Variants in PTPRU observed in about 807,000 individuals in gnomAD.
The protein encoded by PTPRU is receptor-type tyrosine-protein phosphatase U.
A neutral mutation model predicts 166.3 loss-of-function variants in PTPRU; 69 were observed. The ratio of observed to expected loss-of-function variants is 0.41; its 90% CI spans 0.34 to 0.51. The LOEUF is 0.51. Ranked by LOEUF, PTPRU falls within the 20% of genes least tolerant of loss-of-function variation. The pLI, the probability that PTPRU is intolerant of heterozygous loss-of-function variation, is 0.09. For synonymous variants in PTPRU, 793 were observed against 814.0 expected (o/e 0.97, Z 0.44); for missense variants, 1,657 against 2,013.7 (o/e 0.82, Z 3.39).
intron 14 of PTPRU, among the ~76,000 whole-genome samples, chr1:29,289,033 C>T (rs959190851): frequency 3.3e-5 from 5 of 149,948 alleles, no homozygotes; most frequent in African/African-American, 1.2e-4. Flanking sequence ...GTGTCCTGGG[C>T]ATACATCTGG....
At chr1:29,246,964 G>A (rs1166948282) in intron 1 of PTPRU, among the ~76,000 whole-genome samples, 2 of 152,154 alleles carry the variant, frequency 1.3e-5, no homozygotes, top group Non-Finnish European at 2.9e-5. Flanking sequence ...TCCTACCCAT[G>A]CCTCGAGTCT....
intron 18 of PTPRU, among the ~76,000 whole-genome samples, chr1:29,307,337 G>C (rs1160746787): frequency 6.6e-6 from 1 of 152,214 alleles, no homozygotes; most frequent in Non-Finnish European, 1.5e-5. Context: ...GAAGATTCGA[G>C]AGTGTTCCTA....
intron 18 of PTPRU, among the ~76,000 whole-genome samples, chr1:29,306,624 G>A (rs1362877998): frequency 1.3e-5 from 2 of 152,198 alleles, no homozygotes; most frequent in East Asian, 1.9e-4. Flanking sequence ...CTGCCTCTGG[G>A]TGGCTGGAGA....
intron 17 of PTPRU, 64 bp from the exon 18 acceptor site, chr1:29,305,288 C>T: frequency 1.3e-6 from 2 of 1,516,182 alleles, no homozygotes; most frequent in East Asian, 2.3e-5. Context: ...CCAGGAATCC[C>T]TCCCTGACTG....
At chr1:29,275,180 CA>C in intron 7 of PTPRU, among the ~76,000 whole-genome samples, 1 of 152,018 alleles carries the variant, frequency 6.6e-6, no homozygotes, top group Admixed American at 6.6e-5. Flanking sequence ...TTTCATTTTG[CA>C]GTTGAGGAAT....
At chr1:29,259,153 C>A in intron 3 of PTPRU, 108 bp from the exon 4 acceptor site, 1 of 1,227,284 alleles carries the variant, frequency 8.1e-7, no homozygotes, top group Non-Finnish European at 1.2e-6. Flanking sequence ...GCTGGGCTGA[C>A]CTCTGCTAGT....
intron 17 of PTPRU, 39 bp from the exon 18 acceptor site, chr1:29,305,313 C>A: frequency 6.3e-7 from 1 of 1,598,254 alleles, no homozygotes; most frequent in Non-Finnish European, 8.6e-7. Flanking sequence ...GCTCTGGGCT[C>A]CCCAGTTCAG....
At chr1:29,312,272 G>T (rs116857553) in intron 21 of PTPRU, among the ~76,000 whole-genome samples, 1 of 152,300 alleles carries the variant, frequency 6.6e-6, no homozygotes, top group East Asian at 1.9e-4. Flanking sequence ...TGGCAGAGGT[G>T]AGTATTTCAC....
Position 29,275,713 on chromosome 1 carries a change from G to A in PTPRU, c.1410G>A (p.Gly470=), listed in dbSNP as rs756193219. 1 of 1,614,214 alleles carries A rather than the reference G, an allele frequency of 6.2e-7. No homozygotes were observed. The highest frequency in any genetic ancestry group is 1.1e-5 in the South Asian group (1 of 91,078). The change falls in exon 8 of 30, where the codon GGG becomes GGA. Residue 470 remains glycine (G), a synonymous_variant. Transcript: ENST00000373779. Reference sequence around the variant, plus strand: ...GGCTTGTCCTCACTAACCCTGAGGGGCGCAAAGAGGGCAAGGAGGTCACTT... The same window carrying A: ...GGCTTGTCCTCACTAACCCTGAGGGACGCAAAGAGGGCAAGGAGGTCACTT... The part of the protein sequence containing the change: ...HVRLVLTNPE[G]RKEGKEVTFQ...
intron 1 of PTPRU, among the ~76,000 whole-genome samples, chr1:29,248,445 C>T (rs1052211308): frequency 5.9e-5 from 9 of 152,072 alleles, no homozygotes; most frequent in African/African-American, 1.7e-4. Flanking sequence ...TATTTGAATT[C>T]CCCCACCCAC....
chr1:29,309,749 A>G (rs1687562626), intron 18 of PTPRU, among the ~76,000 whole-genome samples: 1 of 152,246 alleles, frequency 6.6e-6, no homozygotes, highest in Admixed American at 6.5e-5. Context: ...AGTGAGAGGT[A>G]GAGCTGGGAT....
In PTPRU at chr1:29,279,541, C is replaced by A. The variant is rs1685964385; in HGVS notation, c.1649C>A (p.Thr550Asn). 1.2e-6 allele frequency: 2 copies of A among 1,614,196 alleles called. No homozygotes were observed. Among genetic ancestry groups the A allele is most frequent in the Middle Eastern group, 3.3e-4 (2 of 6,062 alleles). Residue 550 changes from threonine to asparagine, a missense_variant, in exon 10 of 30, where the codon ACC becomes AAC. Coordinates refer to ENST00000373779, the MANE Select transcript of PTPRU (RefSeq NM_133178.4). This position sits in a 1 kb window ranked among gnomAD's most constrained non-coding sequence, Gnocchi z 5.2. ...RRTISKLRNETYHVFSNLHPG... is the reference protein window; with the variant it reads ...RRTISKLRNENYHVFSNLHPG... The stretch of plus-strand genomic sequence containing the variant: ...ACCATCTCCAAGCTCCGCAATGAGA[C>A]CTACCATGTCTTCTCCAACCTGCAC...
intron 3 of PTPRU, among the ~76,000 whole-genome samples, chr1:29,259,006 T>C (rs1026662684): frequency 2.6e-5 from 4 of 152,132 alleles, no homozygotes; most frequent in African/African-American, 9.7e-5. Flanking sequence ...GTTGGAACAG[T>C]GCTGACCTGG....
At chr1:29,269,212 TTATATACATA>T (rs1230971574) in intron 7 of PTPRU, among the ~76,000 whole-genome samples, 4 of 112,452 alleles carry the variant, frequency 3.6e-5, no homozygotes, top group African/African-American at 1.4e-4. Flanking sequence ...CCCAGCTAAT[TTATATACATA>T]TATATATATA....
In PTPRU at chr1:29,264,553, T is replaced by C. The variant is rs560678708; in HGVS notation, c.1144+3650T>C. 1.8e-3 allele frequency among the ~76,000 whole-genome samples: 276 copies of C among 152,030 alleles called. 1 individual carries two copies. The highest frequency in any genetic ancestry group is 6.5e-3 in the South Asian group (31 of 4,806). On this transcript the variant is annotated intron_variant, in intron 7 of 29. Transcript: ENST00000373779. The stretch of plus-strand genomic sequence containing the variant: ...AGAGTTTCACCCTTGTCGCCCAGGC[T>C]GGAGTGCAATGGCGCAATCTCGGCT...
intron 25 of PTPRU, among the ~76,000 whole-genome samples, chr1:29,319,416 G>A (rs1688048852): frequency 6.6e-6 from 1 of 152,196 alleles, no homozygotes; most frequent in Non-Finnish European, 1.5e-5. Flanking sequence ...GGTCCTTGAT[G>A]CCTCTGACGT....
chr1:29,276,371 A>G (rs1437261108), intron 8 of PTPRU, among the ~76,000 whole-genome samples: 1 of 152,190 alleles, frequency 6.6e-6, no homozygotes, highest in African/African-American at 2.4e-5. Flanking sequence ...GTGGGAGTGC[A>G]GTGTCATGAT....
rs750219967 is a variant in PTPRU, at chr1:29,325,678, G to A, written c.*17G>A. ...TCAAGATAGCGGGGCCCTGGCCTGG[G>A]GCACCCACTGCACACTCAGGGCCAG... is the stretch of plus-strand genomic sequence containing the variant. On this transcript the variant is annotated 3_prime_UTR_variant, in exon 30 of 30. Transcript: ENST00000373779. 2 of 1,585,030 alleles carry A rather than the reference G, an allele frequency of 1.3e-6. No homozygotes were observed. Among genetic ancestry groups the A allele is most frequent in the Non-Finnish European group, 8.6e-7 (1 of 1,161,476 alleles).
chr1:29,236,660 G>A lies in PTPRU; in HGVS notation c.16G>A (p.Ala6Thr), dbSNP rs769484139. Residue 6 changes from alanine to threonine, a missense_variant, in exon 1 of 30, where the codon GCG becomes ACG. By Grantham distance (58) the Ala-to-Thr change is moderately conservative. This residue lies in a region of PTPRU where 453 missense variants were observed against 496.9 expected (regional missense o/e 0.91). Coordinates refer to ENST00000373779, the MANE Select transcript of PTPRU (RefSeq NM_133178.4). This position sits in a 1 kb window ranked among gnomAD's most constrained non-coding sequence, Gnocchi z 4.6. MARAQ[A>T]LVLALTFQLC... ...CGCTCCAACCATGGCCCGTGCCCAG[G>A]CGCTCGTGCTGGCACTCACCTTCCA... 2 of 1,425,370 alleles carry A rather than the reference G, an allele frequency of 1.4e-6. No individual in the cohort carries two copies. Among genetic ancestry groups the A allele is most frequent in the Non-Finnish European group, 9.2e-7 (1 of 1,087,734 alleles). The allele number at this position is 1,425,370 out of a possible 1,614,324, so 88.3% of individuals were successfully genotyped here.
Sources: allele counts gnomAD v4.1 joint callset (sites outside exome capture counted in the v4.1 genomes callset), GRCh38; gene constraint gnomAD v4.1.1; regional missense constraint gnomAD v4.1.1; non-coding constraint Gnocchi (gnomAD v3.1); transcripts MANE v1.5; gene names NCBI Gene and HGNC (gene_info 2026-07-23, HGNC 2026-07-21).